The following MRPL37 variants were observed in gnomAD, a reference collection of about 807,000 sequenced individuals.
MRPL37 encodes the protein mitochondrial ribosomal protein L37.
In MRPL37, 34 loss-of-function variants were observed where a neutral mutation model predicts 44.1. That is an observed-to-expected ratio of 0.77 (90% CI 0.59 to 1.03). MRPL37 has a LOEUF of 1.03. Ranked by LOEUF, MRPL37 falls within the 50% of genes least tolerant of loss-of-function variation. The pLI, the probability that MRPL37 is intolerant of heterozygous loss-of-function variation, is 0.00. For synonymous variants in MRPL37, 212 were observed against 219.5 expected, an observed-to-expected ratio of 0.97 and a Z score of 0.30; for missense variants, 532 against 543.7, an observed-to-expected ratio of 0.98 and a Z score of 0.21.
intron 5 of MRPL37, among the ~76,000 whole-genome samples, chr1:54,215,594 C>T (rs1226453960): frequency 5.3e-5 from 8 of 152,166 alleles, no homozygotes; most frequent in Admixed American, 6.5e-5. Context: ...AAGGCAGGGG[C>T]GTGGGGGAAG....
intron 1 of MRPL37, 74 bp downstream of exon 1, chr1:54,200,663 G>C: frequency 6.8e-7 from 1 of 1,464,962 alleles, no homozygotes; most frequent in Non-Finnish European, 9.2e-7. Context: ...TGTGGCTTTG[G>C]GCAAGACATT....
chr1:54,225,058 C>G, downstream of MRPL37: 1 of 1,229,094 alleles, frequency 8.1e-7, no homozygotes, highest in Non-Finnish European at 1.0e-6. Flanking sequence ...GGCTGTGGCC[C>G]TCCTGGCCGA....
chr1:54,201,513 G>T (rs907005548), intron 1 of MRPL37, among the ~76,000 whole-genome samples: 2 of 152,312 alleles, frequency 1.3e-5, no homozygotes, highest in South Asian at 4.1e-4. Flanking sequence ...TGCATTAGCA[G>T]TATTTTAGAC....
chr1:54,225,392 T>TA, downstream of MRPL37: 2 of 1,234,050 alleles, frequency 1.6e-6, no homozygotes, highest in Non-Finnish European at 2.0e-6. Flanking sequence ...ATCAGTGTAA[T>TA]AAACTCCAAC....
At chr1:54,209,243 C>G (rs921699089) in intron 3 of MRPL37, among the ~76,000 whole-genome samples, 1 of 152,126 alleles carries the variant, frequency 6.6e-6, no homozygotes, top group Non-Finnish European at 1.5e-5. Flanking sequence ...GCTTCGCTCC[C>G]CAGAGACCAT....
rs762612404 is a variant in MRPL37 at position 54,200,496 on chromosome 1, C to T, written c.253C>T (p.Pro85Ser). ...FPPWDRGYKD[P>S]RFYRSPPLHE... ...GCCCTGGGACCGCGGCTACAAGGACCCAAGGTTCTACCGCTCGCCCCCTCT... is the reference window on the plus strand; with the variant it reads ...GCCCTGGGACCGCGGCTACAAGGACTCAAGGTTCTACCGCTCGCCCCCTCT... Residue 85 changes from proline to serine, a missense_variant, in exon 1 of 7, where the codon CCA becomes TCA. By Grantham distance (74) the Pro-to-Ser change is moderately conservative (BLOSUM62 -1). Coordinates refer to ENST00000360840, the MANE Select transcript of MRPL37 (RefSeq NM_016491.4). 1.2e-6 allele frequency: 2 copies of T among 1,614,194 alleles called. No homozygotes were observed. The highest frequency in any genetic ancestry group is 2.2e-5 in the East Asian group (1 of 44,886).
At chr1:54,210,321 G>A (rs1449200307) in intron 4 of MRPL37, among the ~76,000 whole-genome samples, 190 bp downstream of exon 4, 1 of 152,170 alleles carries the variant, frequency 6.6e-6, no homozygotes. Flanking sequence ...AGAAACTGCA[G>A]CTCAGGGAAG....
downstream of MRPL37, among the ~76,000 whole-genome samples, chr1:54,222,252 G>A (rs1022383378): frequency 6.6e-6 from 1 of 152,206 alleles, no homozygotes; most frequent in African/African-American, 2.4e-5. Flanking sequence ...GGGACCCAGG[G>A]AGAGAGCTAC....
At chr1:54,225,187 T>G (rs879241099), downstream of MRPL37, 1 of 1,234,346 alleles carries the variant, frequency 8.1e-7, no homozygotes, top group South Asian at 4.1e-5. Flanking sequence ...GAAAATGGCT[T>G]TTAGACGGCC....
downstream of MRPL37, among the ~76,000 whole-genome samples, chr1:54,224,266 C>A (rs1191880759): frequency 2.6e-5 from 4 of 152,200 alleles, no homozygotes; most frequent in Non-Finnish European, 5.9e-5. Context: ...TCAGCAAAAG[C>A]CTAGGAAACC....
intron 1 of MRPL37, among the ~76,000 whole-genome samples, chr1:54,204,642 A>G (rs1644108088): frequency 6.6e-6 from 1 of 152,220 alleles, no homozygotes; most frequent in African/African-American, 2.4e-5. Flanking sequence ...GTGGGTTATT[A>G]GAAAGGATCT....
At chr1:54,223,182 C>T (rs562344515), downstream of MRPL37, among the ~76,000 whole-genome samples, 2 of 152,340 alleles carry the variant, frequency 1.3e-5, no homozygotes, top group African/African-American at 4.8e-5. Flanking sequence ...GCCCCAACTC[C>T]AAGCCCCCAG....
downstream of MRPL37, among the ~76,000 whole-genome samples, chr1:54,219,754 G>A (rs1644220696): frequency 6.6e-6 from 1 of 152,204 alleles, no homozygotes; most frequent in South Asian, 2.1e-4. Flanking sequence ...CATGCTGTTG[G>A]TGAAAATGTG....
intron 1 of MRPL37, among the ~76,000 whole-genome samples, chr1:54,203,318 A>G (rs996918181): frequency 1.4e-4 from 22 of 152,016 alleles, no homozygotes; most frequent in African/African-American, 5.1e-4. Flanking sequence ...CTGGCTACGT[A>G]TACGCCATCT....
chr1:54,214,295 C>T (rs1254359996), intron 5 of MRPL37, among the ~76,000 whole-genome samples: 1 of 152,312 alleles, frequency 6.6e-6, no homozygotes, highest in East Asian at 1.9e-4. Context: ...CTATTAGCTT[C>T]ATTTTATAGA....
chr1:54,220,998 C>T (rs1644230090), downstream of MRPL37: 3 of 368,424 alleles, frequency 8.1e-6, no homozygotes, highest in Admixed American at 7.3e-5. Context: ...GGGAAAGCCA[C>T]TTTTCCCCTC....
At chr1:54,203,211 A>G (rs1335194817) in intron 1 of MRPL37, among the ~76,000 whole-genome samples, 1 of 152,008 alleles carries the variant, frequency 6.6e-6, no homozygotes, top group Admixed American at 6.6e-5. Flanking sequence ...CTGCAGTGCA[A>G]TGGTGTGATC....
At chr1:54,205,864 A>T in intron 3 of MRPL37, among the ~76,000 whole-genome samples, 1 of 152,072 alleles carries the variant, frequency 6.6e-6, no homozygotes, top group East Asian at 1.9e-4. Context: ...CCTGTTTCAG[A>T]TCCTTCACTG....
At chr1:54,225,412 C>A, downstream of MRPL37, 1 of 1,233,924 alleles carries the variant, frequency 8.1e-7, no homozygotes, top group Non-Finnish European at 1.0e-6. Context: ...CCCACATTCC[C>A]CAAACATGTC....
Sources: allele counts gnomAD v4.1 joint callset (sites outside exome capture counted in the v4.1 genomes callset), GRCh38; gene constraint gnomAD v4.1.1; transcripts MANE v1.5; gene names NCBI Gene and HGNC (gene_info 2026-07-23, HGNC 2026-07-21).